RASA1: variants seen among roughly 807,000 people sequenced by gnomAD.
RASA1 encodes the protein RAS p21 protein activator 1.
Under a neutral mutation model 132.2 loss-of-function variants are expected in RASA1, and 25 were observed. The observed-to-expected ratio is 0.19, with a 90% CI of 0.14 to 0.26. RASA1 has a LOEUF of 0.26. Ranked by LOEUF, RASA1 falls within the 10% of genes least tolerant of loss-of-function variation. RASA1 has a pLI of 1.00. For missense variants in RASA1, 964 were observed against 1,299.2 expected, an observed-to-expected ratio of 0.74 and a Z score of 3.97; for synonymous variants, 477 against 449.9, an observed-to-expected ratio of 1.06 and a Z score of -0.76.
In RASA1 at chr5:87,391,138, GACC is replaced by G. The variant is rs575503525; in HGVS notation, c.*259_*261del. The G allele has an allele frequency of 3.4e-6, 2 of 580,086 alleles. No homozygotes were observed. Among genetic ancestry groups the G allele is most frequent in the African/African-American group, 1.9e-5 (1 of 53,452 alleles). The allele number at this position is 580,086 out of a possible 1,614,324, so 35.9% of individuals were successfully genotyped here. On this transcript the variant is annotated 3_prime_UTR_variant, in exon 25 of 25. Transcript: ENST00000274376. ...AACAACCTCTGAGCCTTGGTGTACA[GACC>G]ACCTTTCACAAAACGAAATGCTATG...
rs1320388817 is a variant in RASA1, at chr5:87,363,442, A to G, written c.1548A>G (p.Pro516=). The G allele has an allele frequency of 1.2e-6, 2 of 1,612,308 alleles. No individual in the cohort carries two copies. The highest frequency in any genetic ancestry group is 3.3e-5 in the Admixed American group (2 of 59,980). Residue 516 remains proline (P), a synonymous_variant, in exon 11 of 25, where the codon CCA becomes CCG. Coordinates refer to ENST00000274376, the MANE Select transcript of RASA1 (RefSeq NM_002890.3). The part of the protein sequence containing the change: ...YFESEKRATK[P]KGLIDLSVCS... ...AAAGCGAAAAACGAGCTACCAAACC[A>G]AAAGGATTAATAGATCTCAGTGTAT...
intron 1 of RASA1, among the ~76,000 whole-genome samples, chr5:87,303,798 T>A (rs559809816): frequency 6.6e-6 from 1 of 151,882 alleles, no homozygotes; most frequent in East Asian, 1.9e-4. Context: ...AATTGATTAC[T>A]GTATTATTAC....
intron 21 of RASA1, among the ~76,000 whole-genome samples, chr5:87,384,621 C>A (rs1032453258): frequency 1.3e-5 from 2 of 152,040 alleles, no homozygotes; most frequent in African/African-American, 4.8e-5. Flanking sequence ...TCGCCTCAGA[C>A]AACACCATCT....
chr5:87,332,361 A>G (rs1757666129), intron 2 of RASA1, 146 bp from the exon 3 acceptor site: 1 of 774,738 alleles, frequency 1.3e-6, no homozygotes, highest in Non-Finnish European at 2.0e-6. Flanking sequence ...TGTGATGAAG[A>G]TACTAATAAG....
In RASA1 at chr5:87,311,338, T is replaced by C. The variant is rs571759919; in HGVS notation, c.540-20010T>C. Among the ~76,000 whole-genome samples, 13 of 152,324 alleles carry C rather than the reference T, an allele frequency of 8.5e-5. No homozygotes were observed. In the South Asian group the frequency reaches 1.0e-3, roughly 12 times the overall value. ...ATTAGAATTTTGGAGGCTTTGTATCTACAACTGTGACTTTGAGGGTTTCCC... is the reference window on the plus strand; with the variant it reads ...ATTAGAATTTTGGAGGCTTTGTATCCACAACTGTGACTTTGAGGGTTTCCC... On this transcript the variant is annotated intron_variant, in intron 1 of 24. Coordinates refer to ENST00000274376, the MANE Select transcript of RASA1 (RefSeq NM_002890.3).
chr5:87,349,480 A>C, intron 8 of RASA1, 116 bp downstream of exon 8: 1 of 1,204,636 alleles, frequency 8.3e-7, no homozygotes. Flanking sequence ...AAATTATAAG[A>C]CCTTCAATAT....
In RASA1 at chr5:87,385,329, A is replaced by G; in HGVS notation, c.2787A>G (p.Thr929=). 6.2e-7 allele frequency: 1 copy of G among 1,611,454 alleles called. No individual in the cohort carries two copies. The highest frequency in any genetic ancestry group is 1.3e-5 in the African/African-American group (1 of 74,962). Residue 929 remains threonine, a synonymous_variant, in exon 22 of 25, where the codon ACA becomes ACG. Coordinates refer to ENST00000274376, the MANE Select transcript of RASA1 (RefSeq NM_002890.3). The part of the protein sequence containing the change: ...SDSPSPIAAR[T]LILVAKSVQN... ...CTCCATCTCCTATTGCTGCAAGAAC[A>G]CTGATATTAGTGGCTAAATCTGTGC...
rs537281604 is a variant in RASA1 at position 87,321,864 on chromosome 5, C to A, written c.540-9484C>A. Among the ~76,000 whole-genome samples the A allele has an allele frequency of 2.0e-5, 3 of 152,198 alleles. No individual in the cohort carries two copies. In the South Asian group the frequency reaches 6.2e-4, roughly 32 times the overall value. ...CCTCTCTGAAATGAGGGCATTATGA[C>A]CCACAGTCAGAAAAGTGGAGGAAAA... On this transcript the variant is annotated intron_variant, in intron 1 of 24. Transcript: ENST00000274376.
chr5:87,380,671 T>C (rs1213834030), intron 20 of RASA1, 76 bp downstream of exon 20: 10 of 1,272,460 alleles, frequency 7.9e-6, no homozygotes, highest in Admixed American at 1.7e-5. Flanking sequence ...AATAACAATA[T>C]ACAATTCAAT....
chr5:87,342,170 T>C (rs1172854473), intron 6 of RASA1, among the ~76,000 whole-genome samples: 2 of 151,484 alleles, frequency 1.3e-5, no homozygotes, highest in Admixed American at 6.6e-5. Flanking sequence ...TTCTTTTTTT[T>C]TTTTTTTGAG....
At chr5:87,382,467 A>C (rs558677423) in intron 20 of RASA1, among the ~76,000 whole-genome samples, 1 of 152,314 alleles carries the variant, frequency 6.6e-6, no homozygotes, top group Admixed American at 6.5e-5. Flanking sequence ...GATTATGTCT[A>C]TCAATCTGTA....
chr5:87,351,490 A>G (rs376989437), intron 8 of RASA1, among the ~76,000 whole-genome samples: 2 of 151,738 alleles, frequency 1.3e-5, no homozygotes, highest in Non-Finnish European at 3.0e-5. Context: ...GACTTGAAGA[A>G]GAAGAGTGCA....
chr5:87,335,419 G>GTTTTTTTTTTTTTTT (rs34986349), intron 4 of RASA1, among the ~76,000 whole-genome samples: 1 of 72,888 alleles, frequency 1.4e-5, no homozygotes, highest in Non-Finnish European at 2.4e-5. Flanking sequence ...AAAGAATGAG[G>GTTTTTTTTTTTTTTT]TTTTTTTTTT....
chr5:87,363,533 C>T lies in RASA1; in HGVS notation c.1610+29C>T, dbSNP rs114609431. On this transcript the variant is annotated intron_variant, in intron 11 of 24. Coordinates refer to ENST00000274376, the MANE Select transcript of RASA1 (RefSeq NM_002890.3). ...AGAGACTGGTTTCCTATTTTTCTTT[C>T]GGAATTGTCTTAATAATAAAATAGT... 3.8e-4 allele frequency: 607 copies of T among 1,598,044 alleles called. 5 individuals carry two copies. The African/African-American group carries it at 7.0e-3, about 18-fold the overall frequency.
intron 1 of RASA1, among the ~76,000 whole-genome samples, chr5:87,273,518 G>T (rs1016750882): frequency 2.0e-5 from 3 of 151,876 alleles, no homozygotes; most frequent in African/African-American, 7.3e-5. Context: ...GGTGGTAAAG[G>T]TATATTGTTT....
rs1277555288 is a variant in RASA1 at position 87,306,587 on chromosome 5, C to T, written c.540-24761C>T. Among the ~76,000 whole-genome samples the T allele has an allele frequency of 1.3e-5, 2 of 151,868 alleles. 1 individual carries two copies. The highest frequency in any genetic ancestry group is 2.9e-5 in the Non-Finnish European group (2 of 67,966). On this transcript the variant is annotated intron_variant, in intron 1 of 24. Coordinates refer to ENST00000274376, the MANE Select transcript of RASA1 (RefSeq NM_002890.3). ...ACACACATTTACTTATGTAACAATCCTGCACATGTACCCCTGAACTTAAAA... is the reference window on the plus strand; with the variant it reads ...ACACACATTTACTTATGTAACAATCTTGCACATGTACCCCTGAACTTAAAA...
chr5:87,349,239 G>GAGGCCCTCAGATAAT lies in RASA1; in HGVS notation c.1130_1144dup (p.Arg377_Asn381dup). On this transcript the variant is annotated inframe_insertion, in exon 8 of 25. Transcript: ENST00000274376. ...TTGGTCAAGTCTGCAGTTTTCTTGT[G>GAGGCCCTCAGATAAT]AGGCCCTCAGATAATACTCCTGGCG... The GAGGCCCTCAGATAAT allele has an allele frequency of 6.2e-7, 1 of 1,611,956 alleles. No individual in the cohort carries two copies. The highest frequency in any genetic ancestry group is 8.5e-7 in the Non-Finnish European group (1 of 1,178,614).
In RASA1 at chr5:87,327,361, T is replaced by C. The variant is rs187936601; in HGVS notation, c.540-3987T>C. Among the ~76,000 whole-genome samples the C allele has an allele frequency of 1.7e-3, 252 of 152,350 alleles. 1 individual carries two copies. Among genetic ancestry groups the C allele is most frequent in the Middle Eastern group, 6.8e-3 (2 of 294 alleles). Reference sequence around the variant, plus strand: ...AGTATTTTTCATTTTTGTATTTTTCTTTAAAGGAATTTAGTACAAGTCATT... The same window carrying C: ...AGTATTTTTCATTTTTGTATTTTTCCTTAAAGGAATTTAGTACAAGTCATT... On this transcript the variant is annotated intron_variant, in intron 1 of 24. Coordinates refer to ENST00000274376, the MANE Select transcript of RASA1 (RefSeq NM_002890.3).
At position 87,386,248 on chromosome 5, in the gene RASA1, A is replaced by T. The variant is rs1170469845; in HGVS notation, c.2848-578A>T. On this transcript the variant is annotated intron_variant, in intron 22 of 24. Transcript: ENST00000274376. ...CATTGAGTTTCTTACTGATTTTAAAAGAGTGTGTTAATCTTAACATTTTCC... is the reference window on the plus strand; with the variant it reads ...CATTGAGTTTCTTACTGATTTTAAATGAGTGTGTTAATCTTAACATTTTCC... Among the ~76,000 whole-genome samples the T allele has an allele frequency of 2.6e-5, 4 of 152,056 alleles. No homozygotes were observed. The East Asian group carries it at 5.8e-4, about 22-fold the overall frequency.
Sources: allele counts gnomAD v4.1 joint callset (sites outside exome capture counted in the v4.1 genomes callset), GRCh38; gene constraint gnomAD v4.1.1; transcripts MANE v1.5; gene names NCBI Gene and HGNC (gene_info 2026-07-23, HGNC 2026-07-21).